Variants in PPP2R5E observed in about 807,000 individuals in gnomAD.
The protein encoded by PPP2R5E is serine/threonine-protein phosphatase 2A 56 kDa regulatory subunit epsilon isoform.
Under a neutral mutation model 65.3 loss-of-function variants are expected in PPP2R5E, and 4 were observed. The observed-to-expected ratio is 0.06, with a 90% CI of 0.03 to 0.14. The LOEUF (loss-of-function observed/expected upper bound fraction) is 0.14. Among genes scored for constraint, PPP2R5E ranks in the 10% least tolerant of loss-of-function variants. PPP2R5E has a pLI of 1.00. For synonymous variants in PPP2R5E, 183 were observed against 187.4 expected (o/e 0.98, Z 0.19); for missense variants, 274 against 556.1 (o/e 0.49, Z 5.10).
At chr14:63,484,061 T>G in intron 2 of PPP2R5E, among the ~76,000 whole-genome samples, 2 of 146,554 alleles carry the variant, frequency 1.4e-5, no homozygotes, top group African/African-American at 2.6e-5. Context: ...TCCAGCCTGG[T>G]GACAGAGTGA....
chr14:63,501,920 G>A (rs764394665), intron 2 of PPP2R5E, among the ~76,000 whole-genome samples: 14 of 152,040 alleles, frequency 9.2e-5, no homozygotes, highest in Middle Eastern at 3.4e-3. Flanking sequence ...TTTGAGACAC[G>A]GTTTTATTCT....
At chr14:63,401,168 T>C (rs944913097) in intron 5 of PPP2R5E, among the ~76,000 whole-genome samples, 19 of 152,184 alleles carry the variant, frequency 1.2e-4, no homozygotes, top group African/African-American at 4.3e-4. Flanking sequence ...GTAGAGAACA[T>C]GCTTTTGATG....
intron 13 of PPP2R5E, among the ~76,000 whole-genome samples, chr14:63,381,124 A>T (rs1594808201): frequency 6.6e-6 from 1 of 152,230 alleles, no homozygotes; most frequent in East Asian, 1.9e-4. Context: ...AATCTCCCCA[A>T]GTACATCTTT....
chr14:63,378,148 GTA>G (rs1884097425), intron 13 of PPP2R5E, among the ~76,000 whole-genome samples: 1 of 152,150 alleles, frequency 6.6e-6, no homozygotes, highest in Non-Finnish European at 1.5e-5. Context: ...CACAATTTGG[GTA>G]TATATAAATC....
intron 8 of PPP2R5E, 32 bp downstream of exon 8, chr14:63,393,788 C>T (rs1187101297): frequency 1.4e-6 from 2 of 1,391,986 alleles, no homozygotes; most frequent in Non-Finnish European, 2.0e-6. Context: ...TTTTATTTTG[C>T]TTCTAAAAGT....
intron 3 of PPP2R5E, among the ~76,000 whole-genome samples, chr14:63,448,209 C>A (rs1449685487): frequency 1.3e-5 from 2 of 151,662 alleles, no homozygotes; most frequent in Non-Finnish European, 2.9e-5. Flanking sequence ...AGGCAGGAGA[C>A]TGGTGTGAAC....
chr14:63,429,934 T>G (rs960289152), intron 3 of PPP2R5E, among the ~76,000 whole-genome samples: 2 of 152,100 alleles, frequency 1.3e-5, no homozygotes, highest in Non-Finnish European at 2.9e-5. Flanking sequence ...TCCACCCGCC[T>G]TGGCCTCCCA....
At chr14:63,489,770 T>C (rs1891195646) in intron 2 of PPP2R5E, among the ~76,000 whole-genome samples, 1 of 150,672 alleles carries the variant, frequency 6.6e-6, no homozygotes, top group Admixed American at 6.6e-5. Context: ...ATTTAGAACG[T>C]TTCTATCATG....
chr14:63,461,203 C>T (rs1889437324), intron 2 of PPP2R5E, among the ~76,000 whole-genome samples: 1 of 151,938 alleles, frequency 6.6e-6, no homozygotes, highest in African/African-American at 2.4e-5. Context: ...GGGAAAGAAC[C>T]GAGGCCTTTT....
chr14:63,481,244 C>T (rs935464976), intron 2 of PPP2R5E, among the ~76,000 whole-genome samples: 1 of 152,072 alleles, frequency 6.6e-6, no homozygotes, highest in African/African-American at 2.4e-5. Context: ...CACCTGTAAT[C>T]CCAACACTTT....
At chr14:63,409,721 G>C (rs370055774) in intron 5 of PPP2R5E, among the ~76,000 whole-genome samples, 8 of 152,214 alleles carry the variant, frequency 5.3e-5, no homozygotes, top group African/African-American at 1.9e-4. Flanking sequence ...CAGGGATCCT[G>C]TCTTTGTATC....
intron 2 of PPP2R5E, among the ~76,000 whole-genome samples, chr14:63,526,334 A>G (rs146217386): frequency 0.01 from 1,524 of 152,292 alleles, 30 homozygotes; most frequent in African/African-American, 0.035. Context: ...TTAGAACTCT[A>G]TATCTTATTT....
intron 3 of PPP2R5E, among the ~76,000 whole-genome samples, chr14:63,430,532 C>T (rs1202210507): frequency 2.0e-5 from 3 of 151,926 alleles, no homozygotes; most frequent in African/African-American, 7.3e-5. Flanking sequence ...TTGGTAACAC[C>T]AAATTTAAGA....
intron 2 of PPP2R5E, among the ~76,000 whole-genome samples, chr14:63,467,768 C>T (rs1215926094): frequency 6.6e-6 from 1 of 152,172 alleles, no homozygotes; most frequent in Non-Finnish European, 1.5e-5. Flanking sequence ...CTGAGGTTGT[C>T]CTTGGGGTCA....
At chr14:63,520,879 A>C (rs1033143473) in intron 2 of PPP2R5E, among the ~76,000 whole-genome samples, 4 of 131,012 alleles carry the variant, frequency 3.1e-5, no homozygotes, top group African/African-American at 6.5e-5. Flanking sequence ...AAAAAAAAAA[A>C]AAAAAAACAA....
intron 5 of PPP2R5E, among the ~76,000 whole-genome samples, chr14:63,400,749 T>C (rs1374488488): frequency 6.6e-6 from 1 of 150,442 alleles, no homozygotes; most frequent in Non-Finnish European, 1.5e-5. Flanking sequence ...CTATAACATG[T>C]TCCAAATGAC....
intron 2 of PPP2R5E, among the ~76,000 whole-genome samples, chr14:63,518,286 G>A (rs1459574440): frequency 6.6e-6 from 1 of 152,146 alleles, no homozygotes; most frequent in African/African-American, 2.4e-5. Context: ...CTGTCACCCA[G>A]TCTGGAGTGC....
At position 63,371,956 on chromosome 14, in the gene PPP2R5E, G is replaced by T. The variant is rs916948444; in HGVS notation, c.*4053C>A. On this transcript the variant is annotated 3_prime_UTR_variant, in exon 14 of 14. Transcript: ENST00000337537. ...CAGACAACAACCAGAAAATGCATTGGTAATATTTATATTTGAAAATTCCCC... is the reference window on the plus strand; with the variant it reads ...CAGACAACAACCAGAAAATGCATTGTTAATATTTATATTTGAAAATTCCCC... 2 of 152,050 alleles carry T rather than the reference G, an allele frequency of 1.3e-5. No individual in the cohort carries two copies. Among genetic ancestry groups the T allele is most frequent in the African/African-American group, 4.8e-5 (2 of 41,396 alleles). 9.4% of individuals were successfully genotyped at this position (152,050 alleles called of 1,614,324 possible).
At chr14:63,525,340 T>C (rs953323207) in intron 2 of PPP2R5E, among the ~76,000 whole-genome samples, 2 of 152,206 alleles carry the variant, frequency 1.3e-5, no homozygotes, top group African/African-American at 4.8e-5. Flanking sequence ...TTTCAAATGA[T>C]GCAGATCAAA....
Sources: allele counts gnomAD v4.1 joint callset (sites outside exome capture counted in the v4.1 genomes callset), GRCh38; gene constraint gnomAD v4.1.1; transcripts MANE v1.5; gene names NCBI Gene and HGNC (gene_info 2026-07-23, HGNC 2026-07-21).